Variants in TGIF2LX observed in about 807,000 individuals in gnomAD.
The protein encoded by TGIF2LX is homeobox protein TGIF2LX.
A neutral mutation model predicts 1.2 loss-of-function variants in TGIF2LX; 1 was observed. The observed-to-expected ratio is 0.85, with a 90% CI of 0.30 to 4.01. The LOEUF is 4.01. Ranked by LOEUF, TGIF2LX falls within the 30% of genes most tolerant of loss-of-function variation. TGIF2LX has a pLI of 0.18. For synonymous variants in TGIF2LX, 69 were observed against 85.0 expected, an observed-to-expected ratio of 0.81 and a Z score of 1.04; for missense variants, 97 against 196.0, an observed-to-expected ratio of 0.49 and a Z score of 3.02.
chrX:89,922,026 C>T, intron 1 of TGIF2LX, 39 bp from the exon 2 acceptor site: 1 of 1,203,486 alleles, frequency 8.3e-7, no homozygotes, highest in Non-Finnish European at 1.1e-6. Flanking sequence ...CCCAAACCTA[C>T]CTTTGTCCTA....
chrX:89,922,601 A>T lies in TGIF2LX; in HGVS notation c.516A>T (p.Gln172His), dbSNP rs1472443593. The T allele has an allele frequency of 8.3e-7, 1 of 1,210,565 alleles. No individual in the cohort carries two copies. Among genetic ancestry groups the T allele is most frequent in the Non-Finnish European group, 1.1e-6 (1 of 895,371 alleles). Reference sequence around the variant, plus strand: ...AGGGCCAGATGTCAAGAGAGAAGCAACCAGATCCGGAGTCGGCCCCTAGCC... The same window carrying T: ...AGGGCCAGATGTCAAGAGAGAAGCATCCAGATCCGGAGTCGGCCCCTAGCC... ...LPKGQMSREKQPDPESAPSQK... is the reference protein window; with the variant it reads ...LPKGQMSREKHPDPESAPSQK... The change falls in exon 2 of 2, where the codon CAA becomes CAT. Residue 172 changes from glutamine (Q) to histidine (H), a missense_variant. Transcript: ENST00000283891.
Position 89,922,703 on chromosome X carries a change from G to C in TGIF2LX, c.618G>C (p.Val206=). The C allele has an allele frequency of 8.2e-7, 1 of 1,212,446 alleles. No individual in the cohort carries two copies. The change falls in exon 2 of 2, where the codon GTG becomes GTC. Residue 206 remains valine (V), a synonymous_variant. Transcript: ENST00000283891. The part of the protein sequence containing the change: ...SVTSPSSPEL[V]SPEEHADFSS... Reference sequence around the variant, plus strand: ...CATCCCCGTCTTCTCCAGAACTTGTGTCTCCAGAGGAGCACGCCGACTTCA... The same window carrying C: ...CATCCCCGTCTTCTCCAGAACTTGTCTCTCCAGAGGAGCACGCCGACTTCA...
Position 89,922,179 on chromosome X carries a change from A to G in TGIF2LX, c.94A>G (p.Ile32Val). 1.7e-6 allele frequency: 2 copies of G among 1,210,434 alleles called. No homozygotes were observed. Among genetic ancestry groups the G allele is most frequent in the Non-Finnish European group, 2.2e-6 (2 of 894,986 alleles). The change falls in exon 2 of 2, where the codon ATC (isoleucine) becomes GTC (valine). Residue 32 changes from isoleucine (I) to valine (V), a missense_variant. This residue lies in a region of TGIF2LX where 23 missense variants were observed against 33.8 expected (regional missense o/e 0.68). Coordinates refer to ENST00000283891, the MANE Select transcript of TGIF2LX (RefSeq NM_138960.4). ...KTQSPAQDTS[I>V]MSRNNADTGR... ...CCAAAGCCCAGCCCAAGACACCTCA[A>G]TCATGTCGAGAAATAACGCAGATAC... is the stretch of plus-strand genomic sequence containing the variant.
At position 89,922,488 on chromosome X, in the gene TGIF2LX, C is replaced by T. The variant is rs1262222803; in HGVS notation, c.403C>T (p.Leu135=). Residue 135 remains leucine (L), a synonymous_variant, in exon 2 of 2, where the codon CTG becomes TTG. Transcript: ENST00000283891. ...KTGKDAHATH[L]QSTEASVPAK... Reference sequence around the variant, plus strand: ...GGGCAAAGATGCCCATGCCACCCACCTGCAGAGCACCGAGGCGTCTGTGCC... The same window carrying T: ...GGGCAAAGATGCCCATGCCACCCACTTGCAGAGCACCGAGGCGTCTGTGCC... The T allele has an allele frequency of 8.2e-7, 1 of 1,212,123 alleles. No homozygotes were observed. Among genetic ancestry groups the T allele is most frequent in the Non-Finnish European group, 1.1e-6 (1 of 895,605 alleles).
Position 89,922,835 on chromosome X carries a change from G to T in TGIF2LX, c.*24G>T, listed in dbSNP as rs376626896. 389 of 1,187,107 alleles carry T rather than the reference G, an allele frequency of 3.3e-4. 2 individuals are homozygous for T. In the African/African-American group the frequency reaches 6.3e-3, roughly 19 times the overall value. On this transcript the variant is annotated 3_prime_UTR_variant, in exon 2 of 2. Coordinates refer to ENST00000283891, the MANE Select transcript of TGIF2LX (RefSeq NM_138960.4). The stretch of plus-strand genomic sequence containing the variant: ...GATTGATGATGTTCCAAAAACCCAA[G>T]TAGTCAGTCCCTTATGTACTGTGGT...
Position 89,922,704 on chromosome X carries a change from T to A in TGIF2LX, c.619T>A (p.Ser207Thr), listed in dbSNP as rs568525633. The A allele has an allele frequency of 8.3e-7, 1 of 1,211,067 alleles. No individual in the cohort carries two copies. Among genetic ancestry groups the A allele is most frequent in the Middle Eastern group, 2.3e-4 (1 of 4,355 alleles). ...ATCCCCGTCTTCTCCAGAACTTGTG[T>A]CTCCAGAGGAGCACGCCGACTTCAG... ...VTSPSSPELV[S>T]PEEHADFSSF... The change falls in exon 2 of 2, where the codon TCT (serine) becomes ACT (threonine). Residue 207 changes from serine (S) to threonine (T), a missense_variant. Around this residue, in one of 3 missense-constraint regions of TGIF2LX, gnomAD observed 74 missense variants for 142.5 expected, o/e 0.52. Transcript: ENST00000283891.
rs369151025 is a variant in TGIF2LX at position 89,921,911 on chromosome X, C to G, written c.-79C>G. On this transcript the variant is annotated 5_prime_UTR_variant, in exon 1 of 2. Coordinates refer to ENST00000283891, the MANE Select transcript of TGIF2LX (RefSeq NM_138960.4). ...AAGGATGTGACGTCACTGAGATAAC[C>G]AGCTCGGCTGTTAGCAACTCTGTTA... The G allele has an allele frequency of 5.4e-5, 36 of 670,565 alleles. No homozygotes were observed. The East Asian group carries it at 8.9e-4, about 17-fold the overall frequency. The allele number at this position is 670,565 out of a possible 1,213,427, so 55.3% of individuals were successfully genotyped here.
At position 89,922,103 on chromosome X, in the gene TGIF2LX, C is replaced by A; in HGVS notation, c.18C>A (p.Asp6Glu). 2 of 1,211,240 alleles carry A rather than the reference C, an allele frequency of 1.7e-6. No individual in the cohort carries two copies. The highest frequency in any genetic ancestry group is 1.7e-5 in the African/African-American group (1 of 57,612). The change falls in exon 2 of 2, where the codon GAC (aspartate) becomes GAA (glutamate). Residue 6 changes from aspartate (D) to glutamate (E), a missense_variant. Physicochemically the swap from Asp to Glu is conservative, Grantham distance 45. Coordinates refer to ENST00000283891, the MANE Select transcript of TGIF2LX (RefSeq NM_138960.4). ...CTTGGAATATGGAGGCCGCTGCGGACGGCCCGGCTGAGACCCAAAGCCCGG... is the reference window on the plus strand; with the variant it reads ...CTTGGAATATGGAGGCCGCTGCGGAAGGCCCGGCTGAGACCCAAAGCCCGG... MEAAADGPAETQSPVE... is the reference protein window; with the variant it reads MEAAAEGPAETQSPVE...
rs749898760 is a variant in TGIF2LX at position 89,922,457 on chromosome X, C to T, written c.372C>T (p.His124=). The change falls in exon 2 of 2, where the codon CAC becomes CAT. Residue 124 remains histidine (H), a synonymous_variant. Transcript: ENST00000283891. The part of the protein sequence containing the change: ...QQRRNDPIIG[H]KTGKDAHATH... ...GTAGAAACGACCCCATCATTGGCCA[C>T]AAAACGGGCAAAGATGCCCATGCCA... 1 of 1,211,747 alleles carries T rather than the reference C, an allele frequency of 8.3e-7. No homozygotes were observed. Among genetic ancestry groups the T allele is most frequent in the Non-Finnish European group, 1.1e-6 (1 of 895,497 alleles).
rs1216899464 is a variant in TGIF2LX at position 89,922,109 on chromosome X, G to A, written c.24G>A (p.Pro8=). 6 of 1,211,192 alleles carry A rather than the reference G, an allele frequency of 5.0e-6. No individual in the cohort carries two copies. Among genetic ancestry groups the A allele is most frequent in the Admixed American group, 4.4e-5 (2 of 45,951 alleles). ...ATATGGAGGCCGCTGCGGACGGCCC[G>A]GCTGAGACCCAAAGCCCGGTGGAAA... MEAAADG[P]AETQSPVEKD... The change falls in exon 2 of 2, where the codon CCG becomes CCA. Residue 8 remains proline, a synonymous_variant. Coordinates refer to ENST00000283891, the MANE Select transcript of TGIF2LX (RefSeq NM_138960.4).
Position 89,922,658 on chromosome X carries a change from A to G in TGIF2LX, c.573A>G (p.Lys191=). ...TCACCGGAATAGCCCAGCCGAAGAAAAAGGTCAAGGTTTCTGTCACATCCC... is the reference window on the plus strand; with the variant it reads ...TCACCGGAATAGCCCAGCCGAAGAAGAAGGTCAAGGTTTCTGTCACATCCC... ...QKLTGIAQPK[K]KVKVSVTSPS... Residue 191 remains lysine, a synonymous_variant, in exon 2 of 2, where the codon AAA becomes AAG. Transcript: ENST00000283891. 8.2e-7 allele frequency: 1 copy of G among 1,212,183 alleles called. No individual in the cohort carries two copies. Among genetic ancestry groups the G allele is most frequent in the Non-Finnish European group, 1.1e-6 (1 of 895,626 alleles).
rs188436365 is a variant in TGIF2LX, at chrX:89,921,999, C to T, written c.-22+31C>T. The T allele has an allele frequency of 3.1e-3, 3,135 of 1,001,196 alleles. 52 individuals are homozygous for T. The African/African-American group carries it at 0.053, about 17-fold the overall frequency. The allele number at this position is 1,001,196 out of a possible 1,213,427, so 82.5% of individuals were successfully genotyped here. A position where few individuals can be genotyped will look rare whatever the true frequency, so the allele number is the denominator to read the frequency against. On this transcript the variant is annotated intron_variant, in intron 1 of 1. Coordinates refer to ENST00000283891, the MANE Select transcript of TGIF2LX (RefSeq NM_138960.4). ...AATTCCCCTTACAGACCTGCCCATG[C>T]TTTCTAAAGTGGCTCTCCCAAACCT... is the stretch of plus-strand genomic sequence containing the variant.
chrX:89,922,818 A>G lies in TGIF2LX; in HGVS notation c.*7A>G, dbSNP rs373148347. The G allele has an allele frequency of 2.5e-6, 3 of 1,194,381 alleles. No homozygotes were observed. The highest frequency in any genetic ancestry group is 3.5e-5 in the African/African-American group (2 of 56,400). On this transcript the variant is annotated 3_prime_UTR_variant, in exon 2 of 2. Transcript: ENST00000283891. ...GCAAGAGCCTAATCCATGATTGATG[A>G]TGTTCCAAAAACCCAAGTAGTCAGT...
rs1386877512 is a variant in TGIF2LX at position 89,922,069 on chromosome X, G to A, written c.-17G>A. 2 of 1,211,326 alleles carry A rather than the reference G, an allele frequency of 1.7e-6. No individual in the cohort carries two copies. Among genetic ancestry groups the A allele is most frequent in the Non-Finnish European group, 2.2e-6 (2 of 895,384 alleles). ...TGTCTGTGATTCTCAATATAGTAAC[G>A]ATAAGCCTCTTGGAATATGGAGGCC... On this transcript the variant is annotated 5_prime_UTR_variant, in exon 2 of 2. Transcript: ENST00000283891.
In TGIF2LX at chrX:89,921,948, T is replaced by C; in HGVS notation, c.-42T>C. ...TAGCAACTCTGTTAGCAACGCTGTT[T>C]GTCTTTCTCGGAAACAACAGGTGAG... is the stretch of plus-strand genomic sequence containing the variant. On this transcript the variant is annotated 5_prime_UTR_variant, in exon 1 of 2. Coordinates refer to ENST00000283891, the MANE Select transcript of TGIF2LX (RefSeq NM_138960.4). The C allele has an allele frequency of 2.0e-6, 2 of 980,657 alleles. No individual in the cohort carries two copies. The highest frequency in any genetic ancestry group is 4.4e-5 in the South Asian group (2 of 45,181). The allele number at this position is 980,657 out of a possible 1,213,427, so 80.8% of individuals were successfully genotyped here.
In TGIF2LX at chrX:89,922,110, G is replaced by C. The variant is rs11575111; in HGVS notation, c.25G>C (p.Ala9Pro). Reference protein sequence around the residue: MEAAADGPAETQSPVEKDS... With the variant: MEAAADGPPETQSPVEKDS... ...TATGGAGGCCGCTGCGGACGGCCCG[G>C]CTGAGACCCAAAGCCCGGTGGAAAA... is the stretch of plus-strand genomic sequence containing the variant. The change falls in exon 2 of 2, where the codon GCT becomes CCT. Residue 9 changes from alanine to proline, a missense_variant. Ala to Pro is a conservative substitution (Grantham distance 27). This residue lies in a region of TGIF2LX where 23 missense variants were observed against 33.8 expected (regional missense o/e 0.68). Coordinates refer to ENST00000283891, the MANE Select transcript of TGIF2LX (RefSeq NM_138960.4). 0.13 allele frequency: 157,713 copies of C among 1,208,492 alleles called. 7,441 individuals are homozygous for C. Among genetic ancestry groups the C allele is most frequent in the Non-Finnish European group, 0.15 (131,863 of 894,789 alleles).
chrX:89,922,644 G>A lies in TGIF2LX; in HGVS notation c.559G>A (p.Ala187Thr). The A allele has an allele frequency of 8.2e-7, 1 of 1,212,140 alleles. No homozygotes were observed. The highest frequency in any genetic ancestry group is 1.8e-5 in the South Asian group (1 of 57,017). The stretch of plus-strand genomic sequence containing the variant: ...CCCTAGCCAGAAGCTCACCGGAATA[G>A]CCCAGCCGAAGAAAAAGGTCAAGGT... Reference protein sequence around the residue: ...SAPSQKLTGIAQPKKKVKVSV... With the variant: ...SAPSQKLTGITQPKKKVKVSV... Residue 187 changes from alanine to threonine, a missense_variant, in exon 2 of 2, where the codon GCC (alanine) becomes ACC (threonine). Physicochemically the swap from Ala to Thr is moderately conservative, Grantham distance 58. Transcript: ENST00000283891.
At chrX:89,922,033 C>T (rs1229172739) in intron 1 of TGIF2LX, 32 bp from the exon 2 acceptor site, 1 of 1,206,359 alleles carries the variant, frequency 8.3e-7, no homozygotes, top group African/African-American at 1.8e-5. Flanking sequence ...CTACCTTTGT[C>T]CTAACTCAGT....
rs371576487 is a variant in TGIF2LX, at chrX:89,922,661, G to A, written c.576G>A (p.Lys192=). ...KLTGIAQPKK[K]VKVSVTSPSS... ...CCGGAATAGCCCAGCCGAAGAAAAA[G>A]GTCAAGGTTTCTGTCACATCCCCGT... Residue 192 remains lysine, a synonymous_variant, in exon 2 of 2, where the codon AAG becomes AAA. Transcript: ENST00000283891. The A allele has an allele frequency of 1.8e-5, 22 of 1,210,703 alleles. No homozygotes were observed. Among genetic ancestry groups the A allele is most frequent in the Non-Finnish European group, 2.5e-5 (22 of 895,424 alleles).
Sources: allele counts gnomAD v4.1 joint callset, GRCh38; gene constraint gnomAD v4.1.1; regional missense constraint gnomAD v4.1.1; transcripts MANE v1.5; gene names NCBI Gene and HGNC (gene_info 2026-07-23, HGNC 2026-07-21).